Variants in APPL2 observed in about 807,000 individuals in gnomAD.
The protein encoded by APPL2 is adaptor protein, phosphotyrosine interacting with PH domain and leucine zipper 2.
Under a neutral mutation model 92.7 loss-of-function variants are expected in APPL2, and 84 were observed. That is an observed-to-expected ratio of 0.91 (90% CI 0.76 to 1.09). The LOEUF (loss-of-function observed/expected upper bound fraction) is 1.09. Among genes scored for constraint, APPL2 ranks in the 50% least tolerant of loss-of-function variants. The pLI, the probability that APPL2 is intolerant of heterozygous loss-of-function variation, is 0.00. For missense variants in APPL2, 736 were observed against 824.5 expected (o/e 0.89, Z 1.31); for synonymous variants, 291 against 291.0 (o/e 1.00, Z 0.00).
At chr12:105,200,832 G>A (rs1309389218) in intron 9 of APPL2, among the ~76,000 whole-genome samples, 2 of 55,612 alleles carry the variant, frequency 3.6e-5, no homozygotes, top group Non-Finnish European at 7.2e-5. Context: ...CACTCTCTAC[G>A]TATGTATGTA....
At position 105,207,207 on chromosome 12, in the gene APPL2, C is replaced by G. The variant is rs758093594; in HGVS notation, c.475G>C (p.Val159Leu). 2 of 1,612,010 alleles carry G rather than the reference C, an allele frequency of 1.2e-6. No homozygotes were observed. Among genetic ancestry groups the G allele is most frequent in the African/African-American group, 2.7e-5 (2 of 74,846 alleles). Residue 159 changes from valine (V) to leucine (L), a missense_variant and splice_region_variant, in exon 8 of 21, where the codon GTG (valine) becomes CTG (leucine). Val to Leu is a conservative substitution (Grantham distance 32). Coordinates refer to ENST00000258530, the MANE Select transcript of APPL2 (RefSeq NM_018171.5). ...ACCTCTTTTCCGACTTCGGTCTTCA[C>G]CTGGTTAAAAGGTGAAAGGAAAACT... ...RLPKKKENEK[V>L]KTEVGKEVAA...
intron 4 of APPL2, among the ~76,000 whole-genome samples, chr12:105,213,778 T>C (rs1051523516): frequency 2.6e-5 from 4 of 152,220 alleles, no homozygotes; most frequent in African/African-American, 9.6e-5. Flanking sequence ...TCTTCCCAGA[T>C]TTAGGCCCCA....
Position 105,195,610 on chromosome 12 carries a change from GCCTGGAGGATTATTCC to G in APPL2, c.1054_1069del (p.Gly352LeufsTer14). 6.2e-7 allele frequency: 1 copy of G among 1,614,164 alleles called. No individual in the cohort carries two copies. The highest frequency in any genetic ancestry group is 2.2e-5 in the East Asian group (1 of 44,880). On this transcript the variant is annotated frameshift_variant and splice_region_variant, in exon 12 of 21. Coordinates refer to ENST00000258530, the MANE Select transcript of APPL2 (RefSeq NM_018171.5). LOFTEE classifies it high-confidence loss of function. ...CTCTTCATTTTCCTTTCTGCTCTCA[GCCTGGAGGATTATTCC>G]CCTGAAACAAAAGTGTCTAAGTAAT...
intron 2 of APPL2, among the ~76,000 whole-genome samples, chr12:105,224,512 C>T (rs1008319397): frequency 2.0e-5 from 3 of 152,200 alleles, no homozygotes; most frequent in African/African-American, 7.2e-5. Context: ...AGAGCGAACG[C>T]AGGCTTTGCA....
chr12:105,225,745 T>G (rs540506393), intron 2 of APPL2, among the ~76,000 whole-genome samples: 1 of 152,320 alleles, frequency 6.6e-6, no homozygotes, highest in African/African-American at 2.4e-5. Flanking sequence ...ATAGTTTCAT[T>G]CTAGAGGTTA....
chr12:105,211,901 A>G (rs1414091619), intron 4 of APPL2, among the ~76,000 whole-genome samples: 2 of 152,140 alleles, frequency 1.3e-5, no homozygotes, highest in African/African-American at 4.8e-5. Context: ...CAGGCGGATC[A>G]TGAGGTCAGG....
At chr12:105,197,240 A>AGG (rs1481941597) in intron 11 of APPL2, among the ~76,000 whole-genome samples, 1 of 152,198 alleles carries the variant, frequency 6.6e-6, no homozygotes, top group African/African-American at 2.4e-5. Context: ...GGATTGGTAA[A>AGG]GTACCACCTC....
intron 11 of APPL2, among the ~76,000 whole-genome samples, chr12:105,196,058 CAAAAAA>C (rs371863529): frequency 5.8e-5 from 7 of 121,618 alleles, no homozygotes; most frequent in East Asian, 2.3e-4. Flanking sequence ...CTATCTCAAA[CAAAAAA>C]AAAAAAAAGA....
At chr12:105,177,185 TAAG>T in intron 18 of APPL2, 38 bp downstream of exon 18, 1 of 1,609,358 alleles carries the variant, frequency 6.2e-7, no homozygotes, top group Non-Finnish European at 8.5e-7. Flanking sequence ...AAAGGTGAAT[TAAG>T]GAGTAATCAC....
intron 5 of APPL2, among the ~76,000 whole-genome samples, chr12:105,208,663 C>T (rs537565508): frequency 2.3e-4 from 35 of 152,308 alleles, no homozygotes; most frequent in African/African-American, 1.2e-4. Context: ...AAGGAATACG[C>T]GGTGCTTGTA....
chr12:105,210,329 A>T (rs555722102), intron 5 of APPL2, among the ~76,000 whole-genome samples: 1 of 152,190 alleles, frequency 6.6e-6, no homozygotes, highest in Non-Finnish European at 1.5e-5. Flanking sequence ...GCCGCAAAAA[A>T]AGCTTAAAGT....
In APPL2 at chr12:105,207,118, C is replaced by A; in HGVS notation, c.564G>T (p.Leu188=). Residue 188 remains leucine (L), a synonymous_variant, in exon 8 of 21, where the codon CTG becomes CTT. Transcript: ENST00000258530. ...SLQYYCALNA[L]QYRKQMAMME... The stretch of plus-strand genomic sequence containing the variant: ...TCATGGCCATTTGCTTTCTGTACTG[C>A]AGCGCGTTGAGGGCACAGTAGTACT... The A allele has an allele frequency of 6.2e-7, 1 of 1,614,200 alleles. No homozygotes were observed. Among genetic ancestry groups the A allele is most frequent in the South Asian group, 1.1e-5 (1 of 91,084 alleles).
chr12:105,230,085 G>A (rs1240581597), intron 1 of APPL2, among the ~76,000 whole-genome samples: 1 of 152,080 alleles, frequency 6.6e-6, no homozygotes, highest in African/African-American at 2.4e-5. Context: ...TGGCCTGCTT[G>A]TTTTTAATTA....
Position 105,189,623 on chromosome 12 carries a change from C to T in APPL2, c.1459+149G>A, listed in dbSNP as rs1592769951. On this transcript the variant is annotated intron_variant, in intron 16 of 20. Coordinates refer to ENST00000258530, the MANE Select transcript of APPL2 (RefSeq NM_018171.5). ...AGTTTTTATCCAAGACTTGCCTCCA[C>T]TGCAGATATCTTACTAAACTTTCAG... is the stretch of plus-strand genomic sequence containing the variant. The T allele has an allele frequency of 1.8e-5, 16 of 880,684 alleles. No individual in the cohort carries two copies. In the East Asian group the frequency reaches 3.7e-4, roughly 20 times the overall value. The allele number at this position is 880,684 out of a possible 1,614,324, so 54.6% of individuals were successfully genotyped here.
intron 2 of APPL2, among the ~76,000 whole-genome samples, chr12:105,218,970 T>C (rs879280216): frequency 2.0e-5 from 3 of 152,234 alleles, no homozygotes; most frequent in Non-Finnish European, 4.4e-5. Context: ...ACTATCCTCC[T>C]ACCACTGATG....
At chr12:105,210,011 A>G (rs886897960) in intron 5 of APPL2, among the ~76,000 whole-genome samples, 1 of 152,082 alleles carries the variant, frequency 6.6e-6, no homozygotes, top group African/African-American at 2.4e-5. Flanking sequence ...CCTGGGCTGA[A>G]ATGCAGTGGC....
At chr12:105,183,448 TGTG>T (rs1270921578) in intron 17 of APPL2, among the ~76,000 whole-genome samples, 1 of 152,168 alleles carries the variant, frequency 6.6e-6, no homozygotes, top group Non-Finnish European at 1.5e-5. Flanking sequence ...GTAAAGCAGG[TGTG>T]GTGGTGACAA....
At chr12:105,233,954 T>G (rs1891084774) in intron 1 of APPL2, among the ~76,000 whole-genome samples, 1 of 152,184 alleles carries the variant, frequency 6.6e-6, no homozygotes, top group East Asian at 1.9e-4. Flanking sequence ...TTAGATTCCT[T>G]CCAGTTCCAA....
In APPL2 at chr12:105,197,955, T is replaced by C. The variant is rs1887812241; in HGVS notation, c.864-2A>G. 1.2e-6 allele frequency: 2 copies of C among 1,612,366 alleles called. No individual in the cohort carries two copies. Among genetic ancestry groups the C allele is most frequent in the Non-Finnish European group, 1.7e-6 (2 of 1,179,168 alleles). On this transcript the variant is annotated splice_acceptor_variant, in intron 10 of 20. Coordinates refer to ENST00000258530, the MANE Select transcript of APPL2 (RefSeq NM_018171.5). LOFTEE classifies it high-confidence loss of function. ...GTGGTGGTGACCAGCCCTGTTTTGC[T>C]GTGAGTTGTGTTTTAAAAAGCCCAT...
Sources: allele counts gnomAD v4.1 joint callset (sites outside exome capture counted in the v4.1 genomes callset), GRCh38; gene constraint gnomAD v4.1.1; transcripts MANE v1.5; gene names NCBI Gene and HGNC (gene_info 2026-07-23, HGNC 2026-07-21).